PCDHGA11: variants seen among roughly 807,000 people sequenced by gnomAD.
PCDHGA11 encodes protocadherin gamma subfamily A, 11.
PCDHGA11 carries 39 observed loss-of-function variants against 60.4 expected under a neutral mutation model. That is an observed-to-expected ratio of 0.65 (90% CI 0.50 to 0.84). PCDHGA11 has a LOEUF of 0.84. PCDHGA11 is among the 40% of genes least tolerant of loss of function. The pLI is 0.00. For missense variants in PCDHGA11, 1,165 were observed against 1,197.7 expected (o/e 0.97, Z 0.40); for synonymous variants, 533 against 510.3 (o/e 1.04, Z -0.60).
In PCDHGA11 at chr5:141,487,260, C is replaced by T; in HGVS notation, c.2434-7547C>T. 6.2e-7 allele frequency: 1 copy of T among 1,614,116 alleles called. No homozygotes were observed. The highest frequency in any genetic ancestry group is 1.1e-5 in the South Asian group (1 of 91,080). On this transcript the variant is annotated intron_variant, in intron 1 of 3. Coordinates refer to ENST00000398587, the MANE Select transcript of PCDHGA11 (RefSeq NM_018914.3). The surrounding 1 kb of genome is among the most constrained non-coding windows in gnomAD (Gnocchi z 5.0). ...CGTCTAACCCTCTACTTGGCTGTGT[C>T]CCTAGTGGCAATTTGCTTTGTCTCC...
intron 1 of PCDHGA11, chr5:141,478,602 T>C (rs2099466537): frequency 6.4e-7 from 1 of 1,563,560 alleles, no homozygotes; most frequent in Admixed American, 1.9e-5. Context: ...TCCTACATCA[T>C]ATTGAGGAAG....
At chr5:141,469,362 G>GT (rs1212141268) in intron 1 of PCDHGA11, among the ~76,000 whole-genome samples, 4 of 152,084 alleles carry the variant, frequency 2.6e-5, no homozygotes, top group Non-Finnish European at 5.9e-5. Flanking sequence ...GGATCATGAG[G>GT]TAAAGAGATC....
chr5:141,475,852 G>A, intron 1 of PCDHGA11: 1 of 467,402 alleles, frequency 2.1e-6, no homozygotes, highest in East Asian at 3.7e-5. Context: ...AGAGCCCGGC[G>A]CTAGCTCATT....
chr5:141,444,043 T>C (rs542828018), intron 1 of PCDHGA11, among the ~76,000 whole-genome samples: 1 of 151,820 alleles, frequency 6.6e-6, no homozygotes, highest in African/African-American at 2.4e-5. Context: ...AATCAGATAA[T>C]TTGGCATCTT....
chr5:141,441,103 A>C (rs2098225469), intron 1 of PCDHGA11: 1 of 152,198 alleles, frequency 6.6e-6, no homozygotes, highest in Non-Finnish European at 1.5e-5. Flanking sequence ...AGAGGGACTC[A>C]TTGTCCAGTG....
chr5:141,452,303 G>C (rs1271182127), intron 1 of PCDHGA11, among the ~76,000 whole-genome samples: 1 of 152,048 alleles, frequency 6.6e-6, no homozygotes, highest in Non-Finnish European at 1.5e-5. Flanking sequence ...GAAAATATTA[G>C]AGACTCATAC....
intron 1 of PCDHGA11, among the ~76,000 whole-genome samples, chr5:141,458,201 T>C (rs973995736): frequency 6.6e-6 from 1 of 152,168 alleles, no homozygotes; most frequent in African/African-American, 2.4e-5. Context: ...AGGCCATAAA[T>C]AGTTTAAAAT....
Position 141,476,512 on chromosome 5 carries a change from T to C in PCDHGA11, c.2434-18295T>C, listed in dbSNP as rs1171240377. ...TGATCCAGGACATCAACGACAACAA[T>C]CCTGCTTTCCCTACCCAGGAAATGA... On this transcript the variant is annotated intron_variant, in intron 1 of 3. Transcript: ENST00000398587. This position sits in a 1 kb window ranked among gnomAD's most constrained non-coding sequence, Gnocchi z 7.6. The C allele has an allele frequency of 6.2e-7, 1 of 1,613,642 alleles. No homozygotes were observed. Among genetic ancestry groups the C allele is most frequent in the Non-Finnish European group, 8.5e-7 (1 of 1,179,940 alleles).
chr5:141,427,469 C>T lies in PCDHGA11; in HGVS notation c.2433+3809C>T, dbSNP rs116302471. The T allele has an allele frequency of 9.8e-3, 5,010 of 510,088 alleles. 35 individuals are homozygous for T. Among genetic ancestry groups the T allele is most frequent in the Non-Finnish European group, 0.012 (3,225 of 262,464 alleles). 31.6% of individuals were successfully genotyped at this position (510,088 alleles called of 1,614,324 possible). A position where few individuals can be genotyped will look rare whatever the true frequency, so the allele number is the denominator to read the frequency against. On this transcript the variant is annotated intron_variant, in intron 1 of 3. Coordinates refer to ENST00000398587, the MANE Select transcript of PCDHGA11 (RefSeq NM_018914.3). Reference sequence around the variant, plus strand: ...GAGTTCCTTTTAGAATCGAATCTTCCGCCAATAATGACTATAAGCTTGTAA... The same window carrying T: ...GAGTTCCTTTTAGAATCGAATCTTCTGCCAATAATGACTATAAGCTTGTAA...
At chr5:141,437,195 A>G (rs2097867163) in intron 1 of PCDHGA11, among the ~76,000 whole-genome samples, 2 of 152,180 alleles carry the variant, frequency 1.3e-5, no homozygotes, top group African/African-American at 4.8e-5. Context: ...ATGGGTTTGG[A>G]TGTGTTTACA....
chr5:141,421,538 T>A lies in PCDHGA11; in HGVS notation c.311T>A (p.Phe104Tyr). 2 of 1,614,028 alleles carry A rather than the reference T, an allele frequency of 1.2e-6. No homozygotes were observed. The highest frequency in any genetic ancestry group is 1.7e-6 in the Non-Finnish European group (2 of 1,179,906). The change falls in exon 1 of 4, where the codon TTT becomes TAT. Residue 104 changes from phenylalanine (F) to tyrosine (Y), a missense_variant. Coordinates refer to ENST00000398587, the MANE Select transcript of PCDHGA11 (RefSeq NM_018914.3). ...CTCTGTGAGACGGTGTCCTCCTGTT[T>A]TTTAAATATGGAACTTCTCGTGGAA... ...EELCETVSSC[F>Y]LNMELLVEDT...
chr5:141,507,861 C>G (rs538942097), intron 3 of PCDHGA11, among the ~76,000 whole-genome samples: 6 of 152,306 alleles, frequency 3.9e-5, no homozygotes, highest in South Asian at 4.1e-4. Flanking sequence ...CTTTCACACC[C>G]GCTTCCTAGC....
rs1187424114 is a variant in PCDHGA11, at chr5:141,485,341, G to A, written c.2434-9466G>A. On this transcript the variant is annotated intron_variant, in intron 1 of 3. Transcript: ENST00000398587. The surrounding 1 kb of genome is among the most constrained non-coding windows in gnomAD (Gnocchi z 5.7). ...TCGCTCAAGATTTCCTGCTGGATAC[G>A]GACAGTCTGTCAGCTCGCAGGCTGC... 2 of 1,614,118 alleles carry A rather than the reference G, an allele frequency of 1.2e-6. No individual in the cohort carries two copies. The highest frequency in any genetic ancestry group is 1.7e-5 in the Admixed American group (1 of 60,018).
chr5:141,430,987 C>T (rs1171599563), intron 1 of PCDHGA11: 2 of 1,613,690 alleles, frequency 1.2e-6, no homozygotes, highest in African/African-American at 2.7e-5. Context: ...AGCTTTTCGC[C>T]CTGAATCCGC....
intron 1 of PCDHGA11, among the ~76,000 whole-genome samples, chr5:141,488,613 A>C (rs1214413025): frequency 1.3e-5 from 2 of 152,158 alleles, no homozygotes; most frequent in Non-Finnish European, 2.9e-5. Flanking sequence ...GTTCTTACTA[A>C]TCTTTTCTCT....
At chr5:141,471,506 G>A (rs2099258630) in intron 1 of PCDHGA11, 1 of 152,214 alleles carries the variant, frequency 6.6e-6, no homozygotes, top group South Asian at 2.1e-4. Flanking sequence ...GCAAGAGAGG[G>A]AGTAAAAATA....
intron 1 of PCDHGA11, among the ~76,000 whole-genome samples, chr5:141,469,232 A>AC (rs1350524557): frequency 2.0e-5 from 3 of 151,722 alleles, no homozygotes; most frequent in Non-Finnish European, 4.4e-5. Flanking sequence ...AGCCATGATC[A>AC]CCCCACTGCA....
chr5:141,449,497 G>A (rs903338878), intron 1 of PCDHGA11, among the ~76,000 whole-genome samples: 4 of 149,856 alleles, frequency 2.7e-5, no homozygotes, highest in African/African-American at 9.9e-5. Flanking sequence ...GGTGAGGCAT[G>A]AGAAATGCTT....
chr5:141,497,502 T>C (rs1216218103), intron 2 of PCDHGA11, among the ~76,000 whole-genome samples: 1 of 151,628 alleles, frequency 6.6e-6, no homozygotes, highest in East Asian at 1.9e-4. Flanking sequence ...CTCTCCTCTC[T>C]CTGCTTCCTT....
Sources: gnomAD v4.1 joint callset for allele counts (sites outside exome capture counted in the v4.1 genomes callset) on GRCh38, gnomAD v4.1.1 for gene constraint, Gnocchi (gnomAD v3.1) non-coding constraint, MANE v1.5 for transcripts, NCBI Gene and HGNC (gene_info 2026-07-23, HGNC 2026-07-21) for gene names.